The following PIGN variants were observed in gnomAD, a reference collection of about 807,000 sequenced individuals.
PIGN encodes phosphatidylinositol glycan anchor biosynthesis class N.
Under a neutral mutation model 125.4 loss-of-function variants are expected in PIGN, and 117 were observed. The observed-to-expected ratio is 0.93, with a 90% CI of 0.80 to 1.09. The LOEUF is 1.09. Among genes scored for constraint, PIGN ranks in the 50% least tolerant of loss-of-function variants. PIGN has a pLI of 0.00. For synonymous variants in PIGN, 392 were observed against 377.8 expected (o/e 1.04, Z -0.44); for missense variants, 1,075 against 1,094.9 (o/e 0.98, Z 0.26).
chr18:62,148,444 C>G, intron 7 of PIGN, 106 bp from the exon 8 acceptor site: 2 of 761,388 alleles, frequency 2.6e-6, no homozygotes, highest in South Asian at 1.9e-5. Flanking sequence ...ATTAAATTAT[C>G]TCACGTTGTT....
intron 14 of PIGN, among the ~76,000 whole-genome samples, chr18:62,117,921 T>C (rs1198429661): frequency 6.6e-6 from 1 of 152,114 alleles, no homozygotes; most frequent in Non-Finnish European, 1.5e-5. Flanking sequence ...GAATGAATAA[T>C]ATTGCAATAT....
intron 1 of PIGN, among the ~76,000 whole-genome samples, chr18:62,172,055 A>G (rs2037362225): frequency 6.6e-6 from 1 of 152,176 alleles, no homozygotes; most frequent in Non-Finnish European, 1.5e-5. Context: ...AACAAAATTC[A>G]CCAATGAAAC....
In PIGN at chr18:62,147,018, C is replaced by T. The variant is rs2036356977; in HGVS notation, c.758G>A (p.Gly253Glu). 1 of 1,611,946 alleles carries T rather than the reference C, an allele frequency of 6.2e-7. No individual in the cohort carries two copies. Among genetic ancestry groups the T allele is most frequent in the African/African-American group, 1.3e-5 (1 of 74,862 alleles). ...AGAGGTAAAGATAAATGTTGTTTTCCCATCATTTCCATAGAAGTGGTTAAA... is the reference window on the plus strand; with the variant it reads ...AGAGGTAAAGATAAATGTTGTTTTCTCATCATTTCCATAGAAGTGGTTAAA... The part of the protein sequence containing the change: ...SMFNHFYGND[G>E]KTTFIFTSDH... Residue 253 changes from glycine (G) to glutamate (E), a missense_variant, in exon 9 of 31, where the codon GGG becomes GAG. Gly to Glu is a moderately conservative substitution (Grantham distance 98, BLOSUM62 -2). This residue lies in a region of PIGN where 915 missense variants were observed against 908.7 expected (regional missense o/e 1.01). Transcript: ENST00000640252.
At chr18:62,181,910 G>A (rs2037732080) in intron 1 of PIGN, among the ~76,000 whole-genome samples, 1 of 152,038 alleles carries the variant, frequency 6.6e-6, no homozygotes. Context: ...ATTTTTAGTA[G>A]AGACAGGGTT....
chr18:62,098,040 C>G (rs924450937), intron 22 of PIGN, among the ~76,000 whole-genome samples: 2 of 152,144 alleles, frequency 1.3e-5, no homozygotes, highest in Non-Finnish European at 2.9e-5. Context: ...ATTAACTGAT[C>G]CAAGCAGAAA....
chr18:62,167,679 ACT>A (rs148742862), intron 1 of PIGN, among the ~76,000 whole-genome samples: 54,256 of 141,040 alleles, frequency 0.38, 11,099 homozygotes, highest in East Asian at 0.78. Flanking sequence ...TCCATAACAC[ACT>A]CTCTCTCTCT....
intron 30 of PIGN, among the ~76,000 whole-genome samples, chr18:62,048,650 C>A (rs750907241): frequency 2.0e-5 from 3 of 149,696 alleles, no homozygotes; most frequent in Non-Finnish European, 4.4e-5. Context: ...GAATTTATTG[C>A]CTGCAGACCT....
Position 62,031,479 on chromosome 18 carries a change from C to T in PIGN, c.2143-13738G>A, listed in dbSNP as rs141280979. Among the ~76,000 whole-genome samples, 1,291 of 152,266 alleles carry T rather than the reference C, an allele frequency of 8.5e-3. 14 individuals are homozygous for T. The highest frequency in any genetic ancestry group is 0.014 in the Middle Eastern group (4 of 294). On this transcript the variant is annotated intron_variant, in intron 23 of 24. Coordinates refer to the PIGN transcript ENST00000639600. ...AAAAGTAGGGATGAACCTTCTGAGT[C>T]CACTGAAATGGATTTCAGTAGATGG...
intron 14 of PIGN, chr18:62,137,413 C>A: frequency 3.5e-6 from 1 of 285,826 alleles, no homozygotes; most frequent in Non-Finnish European, 6.4e-6. Context: ...TGAGTCAATA[C>A]TCCTTAATAA....
At chr18:62,111,845 G>A (rs2034891658) in intron 16 of PIGN, among the ~76,000 whole-genome samples, 1 of 152,072 alleles carries the variant, frequency 6.6e-6, no homozygotes, top group Admixed American at 6.6e-5. Flanking sequence ...ATCTAGCATT[G>A]TACCATACAC....
At chr18:62,063,460 T>G (rs28736804) in intron 30 of PIGN, among the ~76,000 whole-genome samples, 40,400 of 83,404 alleles carry the variant, frequency 0.48, 11,646 homozygotes, top group East Asian at 0.71. Context: ...ATAGATTTTA[T>G]CCAAAATCTA....
chr18:62,146,883 C>T, intron 9 of PIGN, 88 bp downstream of exon 9: 1 of 1,368,648 alleles, frequency 7.3e-7, no homozygotes. Flanking sequence ...AGCAAGACAT[C>T]TAATCCTCTC....
At chr18:62,108,273 G>A (rs962843073) in intron 17 of PIGN, among the ~76,000 whole-genome samples, 8 of 152,042 alleles carry the variant, frequency 5.3e-5, no homozygotes, top group Non-Finnish European at 8.8e-5. Flanking sequence ...AAAAGATAAA[G>A]ATAGGACACA....
downstream of PIGN, among the ~76,000 whole-genome samples, chr18:62,037,243 C>T (rs147855820): frequency 1.5e-3 from 236 of 152,306 alleles, 2 homozygotes; most frequent in African/African-American, 5.4e-3. Context: ...TAAAAGTTTT[C>T]GCTTTAGACT....
intron 14 of PIGN, among the ~76,000 whole-genome samples, chr18:62,125,891 C>T (rs1427424199): frequency 6.6e-6 from 1 of 151,974 alleles, no homozygotes; most frequent in African/African-American, 2.4e-5. Context: ...GTTTTCATGA[C>T]ATCATACATA....
chr18:62,099,776 A>G (rs2034362967), intron 22 of PIGN, among the ~76,000 whole-genome samples: 1 of 152,156 alleles, frequency 6.6e-6, no homozygotes, highest in Non-Finnish European at 1.5e-5. Context: ...AAACAATAAA[A>G]CAAGACACTT....
intron 7 of PIGN, among the ~76,000 whole-genome samples, chr18:62,151,067 A>C (rs2036519900): frequency 6.6e-6 from 1 of 152,232 alleles, no homozygotes; most frequent in Non-Finnish European, 1.5e-5. Flanking sequence ...TATTAGCTGC[A>C]TAACAACATG....
At chr18:62,175,067 A>T (rs1005847210) in intron 1 of PIGN, among the ~76,000 whole-genome samples, 3 of 101,272 alleles carry the variant, frequency 3.0e-5, no homozygotes, top group Admixed American at 1.2e-4. Context: ...ATATATAATA[A>T]ATATATATAT....
chr18:62,158,580 A>G (rs1379166197), intron 4 of PIGN, among the ~76,000 whole-genome samples: 1 of 152,242 alleles, frequency 6.6e-6, no homozygotes, highest in Admixed American at 6.5e-5. Flanking sequence ...CAAAACTACA[A>G]GTGGTGCTAT....
Sources: gnomAD v4.1 joint callset for allele counts (sites outside exome capture counted in the v4.1 genomes callset) on GRCh38, gnomAD v4.1.1 for gene constraint, gnomAD v4.1.1 regional missense constraint, MANE v1.5 for transcripts, NCBI Gene and HGNC (gene_info 2026-07-23, HGNC 2026-07-21) for gene names.